Variants in ZBBX observed in about 807,000 individuals in gnomAD.
ZBBX encodes the protein zinc finger B-box domain-containing protein 1.
A neutral mutation model predicts 108.5 loss-of-function variants in ZBBX; 101 were observed. That is an observed-to-expected ratio of 0.93 (90% CI 0.79 to 1.10). ZBBX has a LOEUF of 1.10. Among genes scored for constraint, ZBBX ranks in the 50% least tolerant of loss-of-function variants. ZBBX has a pLI of 0.00. For missense variants in ZBBX, 1,009 were observed against 941.4 expected (o/e 1.07, Z -0.94); for synonymous variants, 356 against 323.4 (o/e 1.10, Z -1.08).
chr3:167,360,294 TTAAA>T (rs985971440), intron 7 of ZBBX, among the ~76,000 whole-genome samples: 51 of 150,990 alleles, frequency 3.4e-4, no homozygotes, highest in Admixed American at 1.3e-3. Flanking sequence ...TTTGCTATTA[TTAAA>T]TAATTTATTA....
intron 9 of ZBBX, among the ~76,000 whole-genome samples, chr3:167,345,235 C>CA (rs1398988911): frequency 1.3e-5 from 2 of 151,476 alleles, no homozygotes; most frequent in Admixed American, 6.6e-5. Flanking sequence ...ATGAACAAGA[C>CA]AAAAAAGAGT....
chr3:167,396,320 A>G (rs1748234269), intron 1 of ZBBX, among the ~76,000 whole-genome samples: 2 of 152,146 alleles, frequency 1.3e-5, no homozygotes, highest in Admixed American at 1.3e-4. Context: ...GCATAGTTGT[A>G]AGCCTGAGTG....
intron 2 of ZBBX, among the ~76,000 whole-genome samples, chr3:167,377,986 A>T (rs1178461209): frequency 6.6e-6 from 1 of 152,160 alleles, no homozygotes; most frequent in Non-Finnish European, 1.5e-5. Context: ...TGATGGTTTT[A>T]TAAGGGCTAT....
the ZBBX span, among the ~76,000 whole-genome samples, chr3:167,193,110 T>C: frequency 6.6e-6 from 1 of 152,196 alleles, no homozygotes; most frequent in African/African-American, 2.4e-5. Flanking sequence ...TTGGCTTTTG[T>C]TGTCTAGGTT....
chr3:167,305,662 T>G lies in ZBBX; in HGVS notation c.1706A>C (p.Lys569Thr). ...LYKRPSFEES[K>T]TTKSSLLLQE... ...ATTTACCAGTGATGACTTTGTAGTT[T>G]TTGATTCTTCAAAGCTTGGCCTCTT... The change falls in exon 17 of 22, where the codon AAA becomes ACA. Residue 569 changes from lysine (K) to threonine (T), a missense_variant. Transcript: ENST00000675490. 1 of 1,564,176 alleles carries G rather than the reference T, an allele frequency of 6.4e-7. No homozygotes were observed. Among genetic ancestry groups the G allele is most frequent in the Non-Finnish European group, 8.6e-7 (1 of 1,160,932 alleles).
At chr3:167,314,376 A>G (rs1735085262) in intron 15 of ZBBX, among the ~76,000 whole-genome samples, 3 of 152,172 alleles carry the variant, frequency 2.0e-5, no homozygotes, top group Admixed American at 2.0e-4. Flanking sequence ...GTTTTCCAAA[A>G]TATATTGAAA....
the ZBBX span, among the ~76,000 whole-genome samples, chr3:167,197,321 G>A: frequency 9.9e-5 from 15 of 152,134 alleles, no homozygotes; most frequent in African/African-American, 1.4e-4. Context: ...GGCAGATCAC[G>A]AGGTCAGAAG....
chr3:167,228,637 T>C, the ZBBX span, among the ~76,000 whole-genome samples: 1 of 151,838 alleles, frequency 6.6e-6, no homozygotes, highest in Non-Finnish European at 1.5e-5. Context: ...TAATCCTTTG[T>C]GTAGTTCGAA....
intron 8 of ZBBX, among the ~76,000 whole-genome samples, chr3:167,354,353 T>C (rs1217646111): frequency 6.6e-6 from 1 of 151,822 alleles, no homozygotes; most frequent in Non-Finnish European, 1.5e-5. Flanking sequence ...ACCATTTATA[T>C]CGAAAAACCT....
chr3:167,216,054 T>C, the ZBBX span, among the ~76,000 whole-genome samples: 1 of 152,144 alleles, frequency 6.6e-6, no homozygotes, highest in African/African-American at 2.4e-5. Context: ...AGCATTTCCC[T>C]TGAAAACTGG....
the ZBBX span, among the ~76,000 whole-genome samples, chr3:167,227,580 T>G: frequency 1.3e-5 from 2 of 151,698 alleles, no homozygotes; most frequent in African/African-American, 4.8e-5. Context: ...AAAAAAATTT[T>G]GAAACATTTT....
In ZBBX at chr3:167,298,383, C is replaced by A. The variant is rs1477729217; in HGVS notation, c.1801G>T (p.Asp601Tyr). 6.3e-7 allele frequency: 1 copy of A among 1,597,002 alleles called. No individual in the cohort carries two copies. The highest frequency in any genetic ancestry group is 1.1e-5 in the South Asian group (1 of 87,928). ...AGTAAGTTGAGTCTTTCATTTGTAT[C>A]AAAAATAAAGAATCTCTCAAGTCCT... ...YQGLERFFIF[D>Y]TNERLNLLPS... The change falls in exon 18 of 22, where the codon GAT becomes TAT. Residue 601 changes from aspartate (D) to tyrosine (Y), a missense_variant. Asp to Tyr is a radical substitution (Grantham distance 160). Transcript: ENST00000675490.
Position 167,280,179 on chromosome 3 carries a change from C to G in ZBBX, c.2254+2059G>C, listed in dbSNP as rs576610939. Among the ~76,000 whole-genome samples the G allele has an allele frequency of 2.6e-5, 4 of 152,054 alleles. 1 individual carries two copies. In the South Asian group the frequency reaches 8.3e-4, roughly 32 times the overall value. On this transcript the variant is annotated intron_variant, in intron 20 of 21. Coordinates refer to ENST00000675490, the MANE Select transcript of ZBBX (RefSeq NM_001199201.2). ...AACCTAGGCATTACCATTGAGGACA[C>G]AGGCATGGGCAAGGACTTCATGTCT...
At chr3:167,301,659 T>A (rs1258277022) in intron 17 of ZBBX, among the ~76,000 whole-genome samples, 1 of 152,174 alleles carries the variant, frequency 6.6e-6, no homozygotes, top group Non-Finnish European at 1.5e-5. Flanking sequence ...AATTTTTTCA[T>A]TAACCTGGAC....
the ZBBX span, among the ~76,000 whole-genome samples, chr3:167,206,585 T>C: frequency 6.1e-3 from 922 of 152,120 alleles, 9 homozygotes; most frequent in Non-Finnish European, 0.011. Context: ...CAAAGCAATA[T>C]ACAGATTGAA....
rs185794005 is a variant in ZBBX at position 167,315,974 on chromosome 3, T to G, written c.1195-145A>C. 5 of 525,000 alleles carry G rather than the reference T, an allele frequency of 9.5e-6. No individual in the cohort carries two copies. In the African/African-American group the frequency reaches 9.6e-5, roughly 10 times the overall value. The allele number at this position is 525,000 out of a possible 1,614,324, so 32.5% of individuals were successfully genotyped here. A position where few individuals can be genotyped will look rare whatever the true frequency, so the allele number is the denominator to read the frequency against. On this transcript the variant is annotated intron_variant, in intron 14 of 21. Transcript: ENST00000675490. ...CTAATTATATTTTATAACACATAAG[T>G]TCTAGGAGAACTAAACAAATTCAAC...
intron 21 of ZBBX, among the ~76,000 whole-genome samples, chr3:167,242,189 T>C (rs1720788942): frequency 6.6e-6 from 1 of 152,188 alleles, no homozygotes; most frequent in Non-Finnish European, 1.5e-5. Context: ...ATTAGGTTAA[T>C]TAATTCAAAT....
chr3:167,190,412 T>G, the ZBBX span, among the ~76,000 whole-genome samples: 2 of 142,994 alleles, frequency 1.4e-5, no homozygotes, highest in South Asian at 4.5e-4. Context: ...ACGGAGTCTC[T>G]CTCTGTCGCC....
At chr3:167,286,061 G>C (rs965813982) in intron 19 of ZBBX, among the ~76,000 whole-genome samples, 2 of 152,152 alleles carry the variant, frequency 1.3e-5, no homozygotes, top group East Asian at 3.9e-4. Context: ...CACTAGATAG[G>C]GTGGTGCCAG....
Sources: allele counts gnomAD v4.1 joint callset (sites outside exome capture counted in the v4.1 genomes callset), GRCh38; gene constraint gnomAD v4.1.1; transcripts MANE v1.5; gene names NCBI Gene and HGNC (gene_info 2026-07-23, HGNC 2026-07-21).